SYN3: variants seen among roughly 807,000 people sequenced by gnomAD.
SYN3 encodes synapsin III.
In SYN3, 35 loss-of-function variants were observed where a neutral mutation model predicts 65.8. The ratio of observed to expected loss-of-function variants is 0.53; its 90% confidence interval spans 0.41 to 0.70. The LOEUF is 0.70. SYN3 is among the 30% of genes least tolerant of loss of function. The pLI is 0.00. For missense variants in SYN3, 680 were observed against 749.0 expected, an observed-to-expected ratio of 0.91 and a Z score of 1.08; for synonymous variants, 270 against 292.9, an observed-to-expected ratio of 0.92 and a Z score of 0.80.
At chr22:32,562,305 C>T (rs2058598149) in intron 7 of SYN3, among the ~76,000 whole-genome samples, 1 of 152,226 alleles carries the variant, frequency 6.6e-6, no homozygotes, top group South Asian at 2.1e-4. Flanking sequence ...TGCATGACCC[C>T]TTGGCTTTGT....
At chr22:32,537,465 T>TA (rs1194778484) in intron 9 of SYN3, among the ~76,000 whole-genome samples, 1 of 152,040 alleles carries the variant, frequency 6.6e-6, no homozygotes, top group East Asian at 1.9e-4. Flanking sequence ...GGCCGGCACT[T>TA]CCTTAAGTGG....
chr22:32,604,152 T>G (rs1344571162), intron 6 of SYN3, among the ~76,000 whole-genome samples: 2 of 152,200 alleles, frequency 1.3e-5, no homozygotes, highest in Admixed American at 1.3e-4. Flanking sequence ...TCCTCCTATG[T>G]TCTTGACTCT....
At chr22:33,001,454 A>G (rs538016351) in intron 2 of SYN3, among the ~76,000 whole-genome samples, 1 of 152,330 alleles carries the variant, frequency 6.6e-6, no homozygotes, top group African/African-American at 2.4e-5. Context: ...AATAAGACCC[A>G]ACTTTATCAC....
chr22:32,577,452 G>A (rs1033956577), intron 7 of SYN3, among the ~76,000 whole-genome samples: 1 of 152,196 alleles, frequency 6.6e-6, no homozygotes, highest in East Asian at 1.9e-4. Context: ...GAGGCCCAAT[G>A]TCCATTCATC....
chr22:32,534,281 G>C (rs1387131552), intron 9 of SYN3, among the ~76,000 whole-genome samples: 1 of 152,148 alleles, frequency 6.6e-6, no homozygotes, highest in East Asian at 1.9e-4. Flanking sequence ...CCCATCCGGA[G>C]TCATCCTGGA....
intron 4 of SYN3, among the ~76,000 whole-genome samples, chr22:32,907,277 G>A (rs899918432): frequency 6.6e-6 from 1 of 152,172 alleles, no homozygotes; most frequent in Non-Finnish European, 1.5e-5. Flanking sequence ...AGGGAACTGA[G>A]GCACAGAGAA....
intron 6 of SYN3, among the ~76,000 whole-genome samples, chr22:32,709,569 T>C (rs1229849132): frequency 1.3e-5 from 2 of 152,134 alleles, no homozygotes; most frequent in East Asian, 1.9e-4. Context: ...CTTTAAAAGA[T>C]AGAAAAAATT....
chr22:32,719,174 A>C (rs1254875293), intron 6 of SYN3, among the ~76,000 whole-genome samples: 1 of 152,166 alleles, frequency 6.6e-6, no homozygotes, highest in Non-Finnish European at 1.5e-5. Context: ...CACATACTAA[A>C]ATTACTCAAT....
At chr22:32,833,010 G>T (rs1238080018) in intron 6 of SYN3, among the ~76,000 whole-genome samples, 1 of 151,874 alleles carries the variant, frequency 6.6e-6, no homozygotes, top group African/African-American at 2.4e-5. Flanking sequence ...TGGGATTACA[G>T]GCGTGAGCCA....
intron 6 of SYN3, among the ~76,000 whole-genome samples, chr22:32,814,100 C>A: frequency 8.4e-6 from 1 of 119,588 alleles, no homozygotes. Context: ...CCTTTCCAGG[C>A]AATACTCGTG....
chr22:33,013,782 A>G (rs73410650), intron 1 of SYN3, among the ~76,000 whole-genome samples: 6,666 of 152,172 alleles, frequency 0.044, 471 homozygotes, highest in African/African-American at 0.15. Flanking sequence ...TATGAGTTCA[A>G]TGGTTTTAGA....
At chr22:32,766,050 T>C (rs2045616422) in intron 6 of SYN3, among the ~76,000 whole-genome samples, 1 of 152,208 alleles carries the variant, frequency 6.6e-6, no homozygotes, top group Admixed American at 6.5e-5. Context: ...TGTTTGGTTT[T>C]TGTTTCTGCT....
rs531743054 is a variant in SYN3 at position 32,681,457 on chromosome 22, A to G, written c.712-84721T>C. Among the ~76,000 whole-genome samples the G allele has an allele frequency of 2.9e-4, 44 of 152,296 alleles. No individual in the cohort carries two copies. The South Asian group carries it at 8.7e-3, about 30-fold the overall frequency. On this transcript the variant is annotated intron_variant, in intron 6 of 13. Transcript: ENST00000358763. ...TTGTTCTAGATACACTTTCACCTAC[A>G]TGTCCTCTAATCTTCTCAACAGCCA...
chr22:33,029,687 C>T lies in SYN3; in HGVS notation c.-162-22863G>A, dbSNP rs1047533457. 4.6e-5 allele frequency among the ~76,000 whole-genome samples: 7 copies of T among 152,218 alleles called. 1 individual carries two copies. Among genetic ancestry groups the T allele is most frequent in the East Asian group, 3.9e-4 (2 of 5,166 alleles). The stretch of plus-strand genomic sequence containing the variant: ...TAAGTGTCAGAGCTGTCATTCAAAC[C>T]CAGGCTCTCTGGCTCTGGTGGTCAC... On this transcript the variant is annotated intron_variant, in intron 1 of 13. Transcript: ENST00000358763.
chr22:32,896,883 T>C (rs2049607345), intron 4 of SYN3, among the ~76,000 whole-genome samples: 2 of 152,118 alleles, frequency 1.3e-5, no homozygotes, highest in South Asian at 4.1e-4. Context: ...CTTAAACAAC[T>C]CCAAAAAATG....
At chr22:32,831,656 G>C (rs187003018) in intron 6 of SYN3, among the ~76,000 whole-genome samples, 1 of 152,296 alleles carries the variant, frequency 6.6e-6, no homozygotes, top group Non-Finnish European at 1.5e-5. Flanking sequence ...GTAGATTTCA[G>C]AACACACAGA....
intron 13 of SYN3, among the ~76,000 whole-genome samples, chr22:32,515,560 G>C (rs1359781531): frequency 6.6e-6 from 1 of 152,158 alleles, no homozygotes; most frequent in East Asian, 1.9e-4. Context: ...ATTTGCTAGT[G>C]TCTGTCAAAC....
intron 1 of SYN3, among the ~76,000 whole-genome samples, chr22:33,011,360 A>G (rs1214357820): frequency 6.6e-6 from 1 of 152,194 alleles, no homozygotes; most frequent in Non-Finnish European, 1.5e-5. Flanking sequence ...TTGCTTAACA[A>G]TGTGGTAAAT....
At chr22:33,053,296 G>A (rs933880708) in intron 1 of SYN3, among the ~76,000 whole-genome samples, 50 of 152,116 alleles carry the variant, frequency 3.3e-4, no homozygotes, top group African/African-American at 1.2e-3. Context: ...GGTGGCGGGT[G>A]CCTATAATTC....
Sources: gnomAD v4.1 joint callset for allele counts (sites outside exome capture counted in the v4.1 genomes callset) on GRCh38, gnomAD v4.1.1 for gene constraint, MANE v1.5 for transcripts, NCBI Gene and HGNC (gene_info 2026-07-23, HGNC 2026-07-21) for gene names.